KCTD16: variants seen among roughly 807,000 people sequenced by gnomAD.
The protein encoded by KCTD16 is potassium channel tetramerization domain containing 16, also known as BTB/POZ domain-containing protein KCTD16.
KCTD16 carries 13 observed loss-of-function variants against 33.2 expected under a neutral mutation model. The observed-to-expected ratio is 0.39, with a 90% CI of 0.25 to 0.62. KCTD16 has a LOEUF of 0.62. Among genes scored for constraint, KCTD16 ranks in the 20% least tolerant of loss-of-function variants. KCTD16 has a pLI of 0.50. For synonymous variants in KCTD16, 197 were observed against 195.3 expected, an observed-to-expected ratio of 1.01 and a Z score of -0.07; for missense variants, 441 against 525.1, an observed-to-expected ratio of 0.84 and a Z score of 1.57.
intron 3 of KCTD16, among the ~76,000 whole-genome samples, chr5:144,388,867 A>C (rs1752389962): frequency 6.6e-6 from 1 of 152,254 alleles, no homozygotes; most frequent in African/African-American, 2.4e-5. Flanking sequence ...CGTGAAACTC[A>C]TTCTGATAGA....
At chr5:144,417,713 A>C (rs1422321488) in intron 3 of KCTD16, among the ~76,000 whole-genome samples, 5 of 152,006 alleles carry the variant, frequency 3.3e-5, no homozygotes, top group Non-Finnish European at 2.9e-5. Context: ...GCTTTTTTGC[A>C]AGTGTTTTAT....
chr5:144,293,732 T>G (rs1189200582), intron 3 of KCTD16, among the ~76,000 whole-genome samples: 1 of 152,206 alleles, frequency 6.6e-6, no homozygotes. Context: ...AGACAAAATA[T>G]CCATTTCATT....
At chr5:144,322,769 A>G (rs1752107951) in intron 3 of KCTD16, among the ~76,000 whole-genome samples, 1 of 151,956 alleles carries the variant, frequency 6.6e-6, no homozygotes. Context: ...ATGAGCTTCC[A>G]AGAATAGGAA....
rs896763375 is a variant in KCTD16 at position 144,480,805 on chromosome 5, G to T, written c.*6691G>T. On this transcript the variant is annotated 3_prime_UTR_variant, in exon 4 of 4. Transcript: ENST00000512467. ...TTATCCAGCCCACAATGTCAATAGT[G>T]CTTAGCTTGAGAAACTCTAAATTAA... 3.3e-5 allele frequency: 5 copies of T among 151,914 alleles called. No individual in the cohort carries two copies. The highest frequency in any genetic ancestry group is 5.9e-5 in the Non-Finnish European group (4 of 67,924). 9.4% of individuals were successfully genotyped at this position (151,914 alleles called of 1,614,324 possible). A position where few individuals can be genotyped will look rare whatever the true frequency, so the allele number is the denominator to read the frequency against.
At chr5:144,467,276 T>A (rs1052190347) in intron 3 of KCTD16, among the ~76,000 whole-genome samples, 17 of 151,788 alleles carry the variant, frequency 1.1e-4, no homozygotes, top group African/African-American at 4.1e-4. Context: ...CATGTCAGAA[T>A]TTTCAATCCA....
At chr5:144,198,776 C>G (rs1027655985) in intron 2 of KCTD16, among the ~76,000 whole-genome samples, 2 of 152,160 alleles carry the variant, frequency 1.3e-5, no homozygotes, top group Non-Finnish European at 2.9e-5. Flanking sequence ...TTATCAATCT[C>G]CAAGGGCAAA....
chr5:144,395,817 A>C (rs954892142), intron 3 of KCTD16, among the ~76,000 whole-genome samples: 3 of 152,182 alleles, frequency 2.0e-5, no homozygotes, highest in African/African-American at 7.2e-5. Flanking sequence ...ATGGCAGTGC[A>C]GCAGCCACTC....
intron 3 of KCTD16, among the ~76,000 whole-genome samples, chr5:144,371,518 A>C (rs1338866111): frequency 1.3e-5 from 2 of 152,258 alleles, no homozygotes; most frequent in East Asian, 3.9e-4. Context: ...TGTTTCTCAC[A>C]CATTCCCACC....
chr5:144,204,998 G>T (rs916883934), intron 2 of KCTD16, among the ~76,000 whole-genome samples: 5 of 151,956 alleles, frequency 3.3e-5, no homozygotes. Flanking sequence ...GAACGAGGAG[G>T]GGGGAGGGGG....
intron 3 of KCTD16, among the ~76,000 whole-genome samples, chr5:144,361,015 T>C (rs1396163624): frequency 6.6e-6 from 1 of 151,212 alleles, no homozygotes; most frequent in Non-Finnish European, 1.5e-5. Flanking sequence ...TAACTCGTCA[T>C]CTAGCATTAG....
At chr5:144,327,022 C>T (rs543891989) in intron 3 of KCTD16, among the ~76,000 whole-genome samples, 121 of 152,092 alleles carry the variant, frequency 8.0e-4, no homozygotes, top group Admixed American at 1.3e-3. Context: ...TGATAGAGTG[C>T]GGGAACTAAA....
intron 2 of KCTD16, among the ~76,000 whole-genome samples, chr5:144,191,837 A>C (rs1340619380): frequency 1.4e-5 from 2 of 146,540 alleles, no homozygotes; most frequent in African/African-American, 5.1e-5. Flanking sequence ...TTTTTTTTTC[A>C]GCAGTACAAA....
intron 3 of KCTD16, among the ~76,000 whole-genome samples, chr5:144,416,689 A>T (rs1285595329): frequency 6.6e-6 from 1 of 152,144 alleles, no homozygotes; most frequent in Non-Finnish European, 1.5e-5. Flanking sequence ...TATTGTCATA[A>T]TTTTGCCCAA....
At chr5:144,345,934 T>C (rs965623811) in intron 3 of KCTD16, among the ~76,000 whole-genome samples, 5 of 151,020 alleles carry the variant, frequency 3.3e-5, no homozygotes, top group African/African-American at 1.2e-4. Flanking sequence ...TGCTATCAAA[T>C]AGTAGGTCTT....
At chr5:144,245,463 CAA>C (rs1754524377) in intron 3 of KCTD16, among the ~76,000 whole-genome samples, 1 of 152,068 alleles carries the variant, frequency 6.6e-6, no homozygotes, top group African/African-American at 2.4e-5. Flanking sequence ...CTAAAATCTG[CAA>C]AAGTCTTGAG....
At chr5:144,368,813 A>T (rs1751897330) in intron 3 of KCTD16, among the ~76,000 whole-genome samples, 1 of 152,202 alleles carries the variant, frequency 6.6e-6, no homozygotes, top group South Asian at 2.1e-4. Context: ...CACTGTAATC[A>T]TCAAGAGGCC....
chr5:144,360,320 A>C (rs1291411320), intron 3 of KCTD16, among the ~76,000 whole-genome samples: 1 of 151,910 alleles, frequency 6.6e-6, no homozygotes, highest in East Asian at 1.9e-4. Flanking sequence ...CTCATTTTTC[A>C]ACTTCCACTT....
intron 2 of KCTD16, among the ~76,000 whole-genome samples, chr5:144,200,808 G>A (rs1753029984): frequency 6.6e-6 from 1 of 152,152 alleles, no homozygotes; most frequent in Non-Finnish European, 1.5e-5. Flanking sequence ...CACCATCATA[G>A]CTCATTGCAC....
chr5:144,333,624 A>G (rs1421716332), intron 3 of KCTD16, among the ~76,000 whole-genome samples: 1 of 152,088 alleles, frequency 6.6e-6, no homozygotes, highest in East Asian at 1.9e-4. Context: ...GGCTGGGCTA[A>G]TATTGTTCAG....
Sources: allele counts gnomAD v4.1 joint callset (sites outside exome capture counted in the v4.1 genomes callset), GRCh38; gene constraint gnomAD v4.1.1; transcripts MANE v1.5; gene names NCBI Gene and HGNC (gene_info 2026-07-23, HGNC 2026-07-21).